Variants in INTS4 observed in about 807,000 individuals in gnomAD.
The protein encoded by INTS4 is MSTP093.
In INTS4, 70 loss-of-function variants were observed where a neutral mutation model predicts 119.5. The ratio of observed to expected loss-of-function variants is 0.59; its 90% CI spans 0.48 to 0.71. The LOEUF is 0.71. Ranked by LOEUF, INTS4 falls within the 30% of genes least tolerant of loss-of-function variation. INTS4 has a pLI of 0.00. For synonymous variants in INTS4, 316 were observed against 419.6 expected (o/e 0.75, Z 3.02); for missense variants, 867 against 1,173.2 (o/e 0.74, Z 3.81).
chr11:77,920,382 CAAAT>C (rs1458158766), intron 14 of INTS4, among the ~76,000 whole-genome samples: 1 of 150,548 alleles, frequency 6.6e-6, no homozygotes, highest in Non-Finnish European at 1.5e-5. Context: ...TGAGTTAATG[CAAAT>C]AGAGAGATTG....
intron 13 of INTS4, among the ~76,000 whole-genome samples, 154 bp from the exon 14 acceptor site, chr11:77,921,627 C>T (rs550689484): frequency 1.2e-4 from 18 of 152,192 alleles, no homozygotes; most frequent in Admixed American, 2.0e-4. Context: ...CATTCCCCTA[C>T]TCCACCCACA....
At chr11:77,961,211 C>T in intron 4 of INTS4, 73 bp from the exon 5 acceptor site, 3 of 1,428,362 alleles carry the variant, frequency 2.1e-6, no homozygotes, top group Non-Finnish European at 2.7e-6. Flanking sequence ...TTAACAAACA[C>T]AGACAAGACC....
At chr11:77,949,428 A>G (rs565235615) in intron 8 of INTS4, among the ~76,000 whole-genome samples, 28 of 151,920 alleles carry the variant, frequency 1.8e-4, no homozygotes, top group African/African-American at 6.3e-4. Context: ...AGAGTGAACA[A>G]GCAACCTACA....
At chr11:77,898,397 C>T (rs189445257) in intron 18 of INTS4, among the ~76,000 whole-genome samples, 94 of 152,220 alleles carry the variant, frequency 6.2e-4, no homozygotes, top group African/African-American at 2.1e-3. Flanking sequence ...CTCCTGACCT[C>T]GTGATCCACC....
intron 15 of INTS4, chr11:77,915,086 C>A (rs1310192436): frequency 5.4e-6 from 1 of 184,898 alleles, no homozygotes; most frequent in Middle Eastern, 5.9e-4. Context: ...GTTCTGCAGC[C>A]CTTTTGGCTG....
intron 11 of INTS4, among the ~76,000 whole-genome samples, 161 bp downstream of exon 11, chr11:77,928,181 G>A (rs567624396): frequency 6.6e-6 from 1 of 152,194 alleles, no homozygotes; most frequent in South Asian, 2.1e-4. Flanking sequence ...CAAATTTCCT[G>A]TTTCACAGTC....
chr11:77,898,758 G>A (rs886190805), intron 18 of INTS4, among the ~76,000 whole-genome samples: 7 of 152,194 alleles, frequency 4.6e-5, no homozygotes, highest in African/African-American at 1.2e-4. Flanking sequence ...GGTAGCTCAC[G>A]CCTGGAATCC....
At chr11:77,959,511 T>TA (rs1954412276) in intron 6 of INTS4, among the ~76,000 whole-genome samples, 1 of 152,056 alleles carries the variant, frequency 6.6e-6, no homozygotes. Flanking sequence ...AACAGAGTCT[T>TA]ACGCCACCAA....
At chr11:77,943,951 A>C (rs1591087610) in intron 8 of INTS4, among the ~76,000 whole-genome samples, 1 of 152,346 alleles carries the variant, frequency 6.6e-6, no homozygotes, top group South Asian at 2.1e-4. Context: ...GCAGACTTAC[A>C]GGCATAAAAG....
At chr11:77,881,911 G>T (rs913858847) in intron 22 of INTS4, among the ~76,000 whole-genome samples, 3 of 144,990 alleles carry the variant, frequency 2.1e-5, no homozygotes, top group Non-Finnish European at 4.6e-5. Flanking sequence ...GTTTCTGATG[G>T]TTTTTTTTTT....
chr11:77,989,436 G>A (rs1471104103), intron 2 of INTS4, among the ~76,000 whole-genome samples: 2 of 151,886 alleles, frequency 1.3e-5, no homozygotes, highest in African/African-American at 4.8e-5. Flanking sequence ...ACTCCAGCCT[G>A]GGCAACAGAG....
At chr11:77,879,250 T>C in intron 22 of INTS4, 123 bp from the exon 23 acceptor site, 3 of 991,486 alleles carry the variant, frequency 3.0e-6, no homozygotes, top group Non-Finnish European at 4.4e-6. Flanking sequence ...CCGTCTACAT[T>C]CCCTCCCCTT....
chr11:77,926,191 A>AG (rs1565249540), intron 11 of INTS4, among the ~76,000 whole-genome samples: 1 of 146,996 alleles, frequency 6.8e-6, no homozygotes, highest in African/African-American at 2.7e-5. Flanking sequence ...CATAGCAGGA[A>AG]AAAAAAAAGG....
intron 7 of INTS4, among the ~76,000 whole-genome samples, chr11:77,956,534 T>A (rs1954325917): frequency 6.6e-6 from 1 of 151,716 alleles, no homozygotes; most frequent in East Asian, 1.9e-4. Context: ...TGGCGAAACC[T>A]CCTCTCTACT....
chr11:77,977,021 A>G (rs1855980045), intron 4 of INTS4, among the ~76,000 whole-genome samples: 1 of 152,254 alleles, frequency 6.6e-6, no homozygotes, highest in Admixed American at 6.5e-5. Flanking sequence ...GCACATGTAT[A>G]CATATGTAAC....
At chr11:77,953,366 GTA>G in intron 8 of INTS4, among the ~76,000 whole-genome samples, 1 of 152,164 alleles carries the variant, frequency 6.6e-6, no homozygotes, top group African/African-American at 2.4e-5. Flanking sequence ...ACCCTACATA[GTA>G]TAGTACTTTT....
intron 10 of INTS4, among the ~76,000 whole-genome samples, chr11:77,931,408 G>A (rs1189750864): frequency 6.6e-6 from 1 of 152,098 alleles, no homozygotes; most frequent in African/African-American, 2.4e-5. Flanking sequence ...AAATTAGAAA[G>A]CTGTCATACC....
chr11:77,975,122 T>A (rs1280778853), intron 4 of INTS4, among the ~76,000 whole-genome samples: 1 of 152,200 alleles, frequency 6.6e-6, no homozygotes, highest in Non-Finnish European at 1.5e-5. Flanking sequence ...TTCCCTTCCT[T>A]CACATGCTTT....
At chr11:77,877,087 CA>C (rs1254748810), downstream of INTS4, 13 of 701,404 alleles carry the variant, frequency 1.9e-5, no homozygotes, top group Non-Finnish European at 2.6e-5. Context: ...TGGAGTTAAT[CA>C]TTCTTCCCCT....
Sources: gnomAD v4.1 joint callset for allele counts (sites outside exome capture counted in the v4.1 genomes callset) on GRCh38, gnomAD v4.1.1 for gene constraint, MANE v1.5 for transcripts, NCBI Gene and HGNC (gene_info 2026-07-23, HGNC 2026-07-21) for gene names.